The following CHRM5 variants were observed in gnomAD, a reference collection of about 807,000 sequenced individuals.
CHRM5 encodes the protein cholinergic receptor muscarinic 5.
CHRM5 carries 18 observed loss-of-function variants against 39.0 expected under a neutral mutation model. The observed-to-expected ratio is 0.46, with a 90% CI of 0.32 to 0.68. The LOEUF is 0.68. Ranked by LOEUF, CHRM5 falls within the 30% of genes least tolerant of loss-of-function variation. The probability of loss-of-function intolerance (pLI) is 0.04; values close to 1 mark genes in which losing one functional copy is unlikely to be tolerated. For synonymous variants in CHRM5, 241 were observed against 246.3 expected (o/e 0.98, Z 0.20); for missense variants, 515 against 651.1 (o/e 0.79, Z 2.28).
At chr15:33,986,752 G>T (rs1896490588) in intron 1 of CHRM5, among the ~76,000 whole-genome samples, 1 of 147,004 alleles carries the variant, frequency 6.8e-6, no homozygotes, top group African/African-American at 2.4e-5. Flanking sequence ...CGCCTCCCAG[G>T]TTCAAGCGAT....
intron 1 of CHRM5, among the ~76,000 whole-genome samples, chr15:34,028,005 T>C (rs142159345): frequency 2.6e-5 from 4 of 152,228 alleles, no homozygotes; most frequent in Admixed American, 2.6e-4. Flanking sequence ...CTGGCTGCCC[T>C]TAAGGCTCTG....
chr15:33,988,218 G>A (rs1251826557), intron 1 of CHRM5, among the ~76,000 whole-genome samples: 3 of 152,156 alleles, frequency 2.0e-5, no homozygotes, highest in Non-Finnish European at 4.4e-5. Flanking sequence ...GTGTATCTTA[G>A]ACAGTGATAT....
At chr15:34,025,028 G>A (rs1279063415) in intron 1 of CHRM5, among the ~76,000 whole-genome samples, 3 of 151,480 alleles carry the variant, frequency 2.0e-5, no homozygotes, top group Non-Finnish European at 2.9e-5. Flanking sequence ...AAAATTAGCT[G>A]GGCATGGTGG....
intron 1 of CHRM5, among the ~76,000 whole-genome samples, chr15:34,023,724 GT>G (rs992189671): frequency 2.0e-5 from 3 of 152,174 alleles, no homozygotes; most frequent in African/African-American, 7.2e-5. Flanking sequence ...AAAAGGCCAG[GT>G]GAGCAGTTAA....
chr15:34,050,758 C>T (rs1460364288), intron 2 of CHRM5, among the ~76,000 whole-genome samples: 1 of 152,116 alleles, frequency 6.6e-6, no homozygotes, highest in Non-Finnish European at 1.5e-5. Flanking sequence ...GAAAGAAGGG[C>T]ATTACATAAT....
intron 1 of CHRM5, among the ~76,000 whole-genome samples, chr15:34,044,778 C>T (rs753899717): frequency 2.6e-5 from 4 of 152,144 alleles, no homozygotes; most frequent in African/African-American, 4.8e-5. Flanking sequence ...TGGCTGGGCG[C>T]GGTGGCTCAT....
chr15:33,995,903 G>T (rs1280968311), intron 1 of CHRM5, among the ~76,000 whole-genome samples: 1 of 152,210 alleles, frequency 6.6e-6, no homozygotes, highest in Admixed American at 6.5e-5. Flanking sequence ...AAGCGCAAGG[G>T]GTCAGGGGAT....
intron 1 of CHRM5, among the ~76,000 whole-genome samples, chr15:33,993,406 C>T (rs1391070300): frequency 6.6e-6 from 1 of 152,064 alleles, no homozygotes; most frequent in Non-Finnish European, 1.5e-5. Context: ...TTCCCATATC[C>T]ACCACTAATA....
At chr15:34,027,007 A>AG (rs753665703) in intron 1 of CHRM5, among the ~76,000 whole-genome samples, 14,569 of 152,264 alleles carry the variant, frequency 0.096, 908 homozygotes, top group East Asian at 0.33. Context: ...AAAAAATAGA[A>AG]TAGAAGTACT....
In CHRM5 at chr15:34,064,100, G is replaced by A. The variant is rs1474879981; in HGVS notation, c.1383G>A (p.Met461Ile). The change falls in exon 3 of 3, where the codon ATG (methionine) becomes ATA (isoleucine). Residue 461 changes from methionine to isoleucine, a missense_variant. Met to Ile is a conservative substitution (Grantham distance 10, BLOSUM62 1). Transcript: ENST00000383263. ...FIITWTPYNI[M>I]VLVSTFCDKC... Reference sequence around the variant, plus strand: ...TCACATGGACCCCGTATAACATCATGGTCCTGGTTTCTACCTTCTGTGACA... The same window carrying A: ...TCACATGGACCCCGTATAACATCATAGTCCTGGTTTCTACCTTCTGTGACA... 2.5e-6 allele frequency: 4 copies of A among 1,614,140 alleles called. No homozygotes were observed. Among genetic ancestry groups the A allele is most frequent in the Non-Finnish European group, 2.5e-6 (3 of 1,180,016 alleles).
At chr15:34,022,940 C>G (rs1024789128) in intron 1 of CHRM5, among the ~76,000 whole-genome samples, 18 of 152,212 alleles carry the variant, frequency 1.2e-4, no homozygotes, top group Non-Finnish European at 4.4e-5. Flanking sequence ...GTAATCCCAG[C>G]ACTTTGGGAG....
At chr15:34,015,242 C>T (rs1400079016) in intron 1 of CHRM5, among the ~76,000 whole-genome samples, 1 of 152,038 alleles carries the variant, frequency 6.6e-6, no homozygotes. Context: ...CCAGCACTTT[C>T]GGAGGCCAAG....
At chr15:34,044,008 A>C (rs997714547) in intron 1 of CHRM5, among the ~76,000 whole-genome samples, 3 of 148,824 alleles carry the variant, frequency 2.0e-5, no homozygotes, top group Non-Finnish European at 3.0e-5. Flanking sequence ...AAATGCTCCC[A>C]CTCTCCCCTG....
intron 1 of CHRM5, among the ~76,000 whole-genome samples, chr15:34,009,313 T>C (rs1489987018): frequency 1.3e-5 from 2 of 152,096 alleles, no homozygotes; most frequent in Admixed American, 6.6e-5. Context: ...CAAATCCACA[T>C]GAAAAAAACA....
At chr15:34,008,224 C>A (rs977501366) in intron 1 of CHRM5, among the ~76,000 whole-genome samples, 1 of 151,834 alleles carries the variant, frequency 6.6e-6, no homozygotes, top group African/African-American at 2.4e-5. Context: ...AGTTCAAGAC[C>A]AGCCTAGGCA....
intron 1 of CHRM5, among the ~76,000 whole-genome samples, chr15:33,986,974 C>T (rs1187139805): frequency 6.6e-6 from 1 of 152,144 alleles, no homozygotes. Context: ...TTTTCAAGTG[C>T]TAAATAAACA....
chr15:34,064,233 T>C lies in CHRM5; in HGVS notation c.1516T>C (p.Phe506Leu). Residue 506 changes from phenylalanine (F) to leucine (L), a missense_variant, in exon 3 of 3, where the codon TTT becomes CTT. Phe to Leu is a conservative substitution (Grantham distance 22). Transcript: ENST00000383263. Reference sequence around the variant, plus strand: ...CTGCAACAGAACCTTCAGGAAGACCTTTAAGATGCTGCTTCTCTGCCGATG... The same window carrying C: ...CTGCAACAGAACCTTCAGGAAGACCCTTAAGATGCTGCTTCTCTGCCGATG... ...ALCNRTFRKTFKMLLLCRWKK... is the reference protein window; with the variant it reads ...ALCNRTFRKTLKMLLLCRWKK... 1 of 1,614,116 alleles carries C rather than the reference T, an allele frequency of 6.2e-7. No individual in the cohort carries two copies. Among genetic ancestry groups the C allele is most frequent in the African/African-American group, 1.3e-5 (1 of 75,028 alleles).
chr15:34,009,291 T>C (rs1897530483), intron 1 of CHRM5, among the ~76,000 whole-genome samples: 1 of 152,134 alleles, frequency 6.6e-6, no homozygotes, highest in Admixed American at 6.5e-5. Context: ...CAAGTGGTCC[T>C]AAACAGCAAT....
intron 1 of CHRM5, among the ~76,000 whole-genome samples, chr15:34,016,105 C>A (rs568455962): frequency 6.1e-4 from 93 of 152,244 alleles, no homozygotes; most frequent in African/African-American, 2.1e-3. Flanking sequence ...GGAGAAACCC[C>A]GTCTCTACTA....
Sources: gnomAD v4.1 joint callset for allele counts (sites outside exome capture counted in the v4.1 genomes callset) on GRCh38, gnomAD v4.1.1 for gene constraint, MANE v1.5 for transcripts, NCBI Gene and HGNC (gene_info 2026-07-23, HGNC 2026-07-21) for gene names.